Variants in N4BP2L1 observed in about 807,000 individuals in gnomAD.
N4BP2L1 encodes NEDD4-binding protein 2-like 1.
Under a neutral mutation model 21.2 loss-of-function variants are expected in N4BP2L1, and 12 were observed. That is an observed-to-expected ratio of 0.57 (90% CI 0.36 to 0.92). The LOEUF is 0.92. N4BP2L1 is among the 40% of genes least tolerant of loss of function. The pLI, the probability that N4BP2L1 is intolerant of heterozygous loss-of-function variation, is 0.01. For missense variants in N4BP2L1, 259 were observed against 310.6 expected (o/e 0.83, Z 1.25); for synonymous variants, 104 against 112.8 (o/e 0.92, Z 0.49).
chr13:32,417,119 A>C (rs2074191900), intron 1 of N4BP2L1, among the ~76,000 whole-genome samples: 1 of 152,166 alleles, frequency 6.6e-6, no homozygotes, highest in South Asian at 2.1e-4. Context: ...CCAGCTGGCA[A>C]ACTTTTTTAT....
chr13:32,417,810 G>T (rs1388347461), intron 1 of N4BP2L1, among the ~76,000 whole-genome samples: 2 of 152,178 alleles, frequency 1.3e-5, no homozygotes, highest in African/African-American at 2.4e-5. Context: ...ACTGGGAACT[G>T]GAGTAAAGGT....
chr13:32,428,964 G>C (rs536076400), upstream of N4BP2L1, among the ~76,000 whole-genome samples: 35 of 152,360 alleles, frequency 2.3e-4, no homozygotes, highest in African/African-American at 8.2e-4. Flanking sequence ...ACCCTCAAGA[G>C]CGTGACAGAG....
intron 3 of N4BP2L1, 114 bp downstream of exon 3, chr13:32,407,136 C>A: frequency 1.8e-6 from 2 of 1,086,458 alleles, no homozygotes; most frequent in Non-Finnish European, 2.7e-6. Context: ...CCTGGGAGAA[C>A]CACTGTTAGC....
At chr13:32,424,845 C>T (rs2074675980) in intron 1 of N4BP2L1, 1 of 152,232 alleles carries the variant, frequency 6.6e-6, no homozygotes, top group Non-Finnish European at 1.5e-5. Context: ...TGTTTTTCCA[C>T]ATTCCATCCA....
chr13:32,411,158 T>C (rs913450863), intron 1 of N4BP2L1, among the ~76,000 whole-genome samples: 6 of 152,194 alleles, frequency 3.9e-5, no homozygotes, highest in African/African-American at 4.8e-5. Flanking sequence ...TACTGCCCTT[T>C]TAATCACAAA....
intron 1 of N4BP2L1, among the ~76,000 whole-genome samples, chr13:32,410,283 T>G (rs936042025): frequency 3.9e-5 from 6 of 152,184 alleles, no homozygotes; most frequent in African/African-American, 1.4e-4. Flanking sequence ...CCTGTCATCC[T>G]TCTGAAAGAG....
intron 1 of N4BP2L1, among the ~76,000 whole-genome samples, chr13:32,417,519 T>C (rs1299144288): frequency 6.6e-6 from 1 of 152,176 alleles, no homozygotes; most frequent in Non-Finnish European, 1.5e-5. Flanking sequence ...TAAACCTCTT[T>C]CCTTTATAAA....
chr13:32,424,728 A>C (rs1347833823), intron 1 of N4BP2L1, among the ~76,000 whole-genome samples: 4 of 152,226 alleles, frequency 2.6e-5, no homozygotes. Flanking sequence ...CGGGTGATAA[A>C]GCAGATTTAG....
At chr13:32,407,432 C>T in intron 2 of N4BP2L1, 94 bp from the exon 3 acceptor site, 1 of 1,598,510 alleles carries the variant, frequency 6.3e-7, no homozygotes, top group Non-Finnish European at 8.5e-7. Context: ...ACAGGATGCC[C>T]TCATCTCCTC....
At position 32,402,906 on chromosome 13, in the gene N4BP2L1, A is replaced by ACTT; in HGVS notation, c.*33_*35dup. ...ATAACAAAAACTGAAGTAGAAACTGACTTAGGAAAATTCTGCCTGGCTGTA... is the reference window on the plus strand; with the variant it reads ...ATAACAAAAACTGAAGTAGAAACTGACTTCTTAGGAAAATTCTGCCTGGCTGTA... On this transcript the variant is annotated 3_prime_UTR_variant, in exon 5 of 5. Coordinates refer to ENST00000380130, the MANE Select transcript of N4BP2L1 (RefSeq NM_052818.3). The ACTT allele has an allele frequency of 6.6e-7, 1 of 1,522,508 alleles. No individual in the cohort carries two copies. Among genetic ancestry groups the ACTT allele is most frequent in the Non-Finnish European group, 8.8e-7 (1 of 1,133,774 alleles). The allele number at this position is 1,522,508 out of a possible 1,614,324, so 94.3% of individuals were successfully genotyped here. A position where few individuals can be genotyped will look rare whatever the true frequency, so the allele number is the denominator to read the frequency against.
intron 4 of N4BP2L1, 111 bp downstream of exon 4, chr13:32,404,210 G>GGCCTGAAAACTACCATGTCCATTTCCA (rs2073331649): frequency 1.0e-5 from 16 of 1,605,940 alleles, no homozygotes; most frequent in Non-Finnish European, 1.3e-5. Context: ...TACCATTTCT[G>GGCCTGAAAACTACCATGTCCATTTCCA]GCCTGAAAAC....
rs1408592152 is a variant in N4BP2L1, at chr13:32,402,509, A to G, written c.*433T>C. 1.1e-6 allele frequency: 1 copy of G among 876,834 alleles called. No homozygotes were observed. The highest frequency in any genetic ancestry group is 1.3e-6 in the Non-Finnish European group (1 of 777,920). 54.3% of individuals were successfully genotyped at this position (876,834 alleles called of 1,614,324 possible). ...ATCAAAGTAGCAATGGCACTTTGAT[A>G]AGTAGCAATGCCCCCCCACCACTTC... On this transcript the variant is annotated 3_prime_UTR_variant, in exon 5 of 5. Transcript: ENST00000380130.
intron 1 of N4BP2L1, among the ~76,000 whole-genome samples, chr13:32,412,678 C>T (rs560703386): frequency 6.1e-4 from 92 of 151,746 alleles, no homozygotes; most frequent in Non-Finnish European, 9.1e-4. Context: ...CCATACATCG[C>T]GATACTTTAT....
intron 1 of N4BP2L1, among the ~76,000 whole-genome samples, chr13:32,423,566 G>C (rs1424745598): frequency 6.6e-6 from 1 of 152,212 alleles, no homozygotes; most frequent in Non-Finnish European, 1.5e-5. Context: ...TGTTTTAGTG[G>C]TATGCCCATA....
chr13:32,406,077 ATT>A (rs1161096431), intron 3 of N4BP2L1, among the ~76,000 whole-genome samples: 2 of 136,756 alleles, frequency 1.5e-5, no homozygotes, highest in Non-Finnish European at 1.6e-5. Flanking sequence ...TAATTTTTGT[ATT>A]TTTTTTTTTT....
At chr13:32,428,922 G>A (rs1267426142), upstream of N4BP2L1, among the ~76,000 whole-genome samples, 2 of 152,178 alleles carry the variant, frequency 1.3e-5, no homozygotes, top group Non-Finnish European at 2.9e-5. Flanking sequence ...AGTACCCATT[G>A]GTTGATCACC....
At chr13:32,426,683 A>AGC (rs553836315) in intron 1 of N4BP2L1, among the ~76,000 whole-genome samples, 8 of 152,256 alleles carry the variant, frequency 5.3e-5, no homozygotes, top group Middle Eastern at 3.4e-3. Context: ...TACCATGGCT[A>AGC]GCCTTATCTC....
At position 32,412,076 on chromosome 13, in the gene N4BP2L1, G is replaced by A. The variant is rs1296684628; in HGVS notation, c.180-4304C>T. Among the ~76,000 whole-genome samples, 3 of 151,728 alleles carry A rather than the reference G, an allele frequency of 2.0e-5. No homozygotes were observed. In the East Asian group the frequency reaches 5.8e-4, roughly 29 times the overall value. Reference sequence around the variant, plus strand: ...CTCCAGTTGGTGTGCGTGCAACAGGGACCAAACAAGATCCCCACATTGTAT... The same window carrying A: ...CTCCAGTTGGTGTGCGTGCAACAGGAACCAAACAAGATCCCCACATTGTAT... On this transcript the variant is annotated intron_variant, in intron 1 of 4. Transcript: ENST00000380130.
chr13:32,419,854 C>T (rs542540711), intron 1 of N4BP2L1, among the ~76,000 whole-genome samples: 3 of 152,346 alleles, frequency 2.0e-5, no homozygotes, highest in East Asian at 3.9e-4. Context: ...CCTCTGAATG[C>T]TACTGACATT....
Sources: gnomAD v4.1 joint callset for allele counts (sites outside exome capture counted in the v4.1 genomes callset) on GRCh38, gnomAD v4.1.1 for gene constraint, MANE v1.5 for transcripts, NCBI Gene and HGNC (gene_info 2026-07-23, HGNC 2026-07-21) for gene names.